Variants in ZNF26 observed in about 807,000 individuals in gnomAD.
ZNF26 encodes epididymis luminal protein 179.
A neutral mutation model predicts 54.9 loss-of-function variants in ZNF26; 32 were observed. The ratio of observed to expected loss-of-function variants is 0.58; its 90% CI spans 0.44 to 0.78. The LOEUF is 0.78. Ranked by LOEUF, ZNF26 falls within the 30% of genes least tolerant of loss-of-function variation. The pLI is 0.00. For synonymous variants in ZNF26, 221 were observed against 209.2 expected (o/e 1.06, Z -0.49); for missense variants, 524 against 634.0 (o/e 0.83, Z 1.86).
chr12:132,993,027 C>CTTTTTTTT (rs71079156), intron 1 of ZNF26, among the ~76,000 whole-genome samples: 11 of 129,428 alleles, frequency 8.5e-5, no homozygotes, highest in East Asian at 2.3e-4. Flanking sequence ...ACTAGTATTT[C>CTTTTTTTT]TTTTTTTTTT....
At position 133,012,877 on chromosome 12, in the gene ZNF26, C is replaced by T. The variant is rs1953513656; in HGVS notation, c.*1396C>T. On this transcript the variant is annotated 3_prime_UTR_variant, in exon 4 of 4. Coordinates refer to ENST00000328654, the MANE Select transcript of ZNF26 (RefSeq NM_019591.4). ...TACAGGTGTGAGCCACCGAGCCCGG[C>T]CAGCTTTCTATTTCTTATAACCTAA... 6.6e-6 allele frequency: 1 copy of T among 152,188 alleles called. No homozygotes were observed. Among genetic ancestry groups the T allele is most frequent in the South Asian group, 2.1e-4 (1 of 4,810 alleles). The allele number at this position is 152,188 out of a possible 1,614,324, so 9.4% of individuals were successfully genotyped here.
In ZNF26 at chr12:133,015,407, A is replaced by T. The variant is rs1294228647; in HGVS notation, c.*3926A>T. 6.6e-6 allele frequency: 1 copy of T among 151,832 alleles called. No individual in the cohort carries two copies. Among genetic ancestry groups the T allele is most frequent in the Non-Finnish European group, 1.5e-5 (1 of 67,994 alleles). The allele number at this position is 151,832 out of a possible 1,614,324, so 9.4% of individuals were successfully genotyped here. A position where few individuals can be genotyped will look rare whatever the true frequency, so the allele number is the denominator to read the frequency against. Reference sequence around the variant, plus strand: ...GACAAACACATGTTCTGTGTATATGACACAATCCTAACTGTGGCATGTATC... The same window carrying T: ...GACAAACACATGTTCTGTGTATATGTCACAATCCTAACTGTGGCATGTATC... On this transcript the variant is annotated 3_prime_UTR_variant, in exon 4 of 4. Transcript: ENST00000328654.
In ZNF26 at chr12:133,016,084, T is replaced by C. The variant is rs937760728; in HGVS notation, c.*4603T>C. The C allele has an allele frequency of 2.0e-5, 3 of 150,302 alleles. No individual in the cohort carries two copies. Among genetic ancestry groups the C allele is most frequent in the African/African-American group, 7.4e-5 (3 of 40,798 alleles). 9.3% of individuals were successfully genotyped at this position (150,302 alleles called of 1,614,324 possible). A position where few individuals can be genotyped will look rare whatever the true frequency, so the allele number is the denominator to read the frequency against. On this transcript the variant is annotated 3_prime_UTR_variant, in exon 4 of 4. Coordinates refer to ENST00000328654, the MANE Select transcript of ZNF26 (RefSeq NM_019591.4). The stretch of plus-strand genomic sequence containing the variant: ...TGTAGGGGTAATTTTTTTTTTTTTT[T>C]TTTTTTGAGACAGAGTCTCACTGTG...
chr12:132,991,506 A>T (rs1233314836), intron 1 of ZNF26, among the ~76,000 whole-genome samples: 1 of 147,604 alleles, frequency 6.8e-6, no homozygotes, highest in Non-Finnish European at 1.5e-5. Context: ...ACAACAACAA[A>T]ATAAAAATAG....
At position 132,993,998 on chromosome 12, in the gene ZNF26, A is replaced by T. The variant is rs777821572; in HGVS notation, c.33+7125A>T. Among the ~76,000 whole-genome samples the T allele has an allele frequency of 3.5e-3, 536 of 152,240 alleles. 2 individuals are homozygous for T. The highest frequency in any genetic ancestry group is 4.9e-3 in the Non-Finnish European group (336 of 68,002). ...CCCCACCCCATCTCTTAGATGGGAC[A>T]GGGTGGAATTTGGTATATCTCTCTT... On this transcript the variant is annotated intron_variant, in intron 1 of 3. Coordinates refer to ENST00000328654, the MANE Select transcript of ZNF26 (RefSeq NM_019591.4).
chr12:133,008,909 G>A (rs954309391), intron 3 of ZNF26, among the ~76,000 whole-genome samples: 20 of 152,062 alleles, frequency 1.3e-4, no homozygotes, highest in East Asian at 1.9e-4. Flanking sequence ...AGGTAGCTCC[G>A]GTCATAGTGG....
rs1031218385 is a variant in ZNF26 at position 133,023,067 on chromosome 12, T to C, written c.*11586T>C. The C allele has an allele frequency of 2.0e-5, 3 of 152,218 alleles. No individual in the cohort carries two copies. The highest frequency in any genetic ancestry group is 2.0e-4 in the Admixed American group (3 of 15,282). 9.4% of individuals were successfully genotyped at this position (152,218 alleles called of 1,614,324 possible). ...GTTTGGGTGAAAGATTCAAGAGCAT[T>C]CGTGAGAATGTACTTGTAACTAGTA... On this transcript the variant is annotated 3_prime_UTR_variant, in exon 4 of 4. Transcript: ENST00000328654.
Position 133,016,536 on chromosome 12 carries a change from A to G in ZNF26, c.*5055A>G, listed in dbSNP as rs1482898576. On this transcript the variant is annotated 3_prime_UTR_variant, in exon 4 of 4. Transcript: ENST00000328654. ...CTGGGTGCAGTGGCTTATGCCTATA[A>G]TCCCAACACTTTGGGAGGCAGGAGG... The G allele has an allele frequency of 6.6e-6, 1 of 151,238 alleles. No individual in the cohort carries two copies. Among genetic ancestry groups the G allele is most frequent in the Non-Finnish European group, 1.5e-5 (1 of 67,936 alleles). The allele number at this position is 151,238 out of a possible 1,614,324, so 9.4% of individuals were successfully genotyped here.
intron 1 of ZNF26, chr12:133,005,216 T>G (rs1825716311): frequency 6.6e-6 from 1 of 152,182 alleles, no homozygotes; most frequent in East Asian, 1.9e-4. Flanking sequence ...TTTATTTATT[T>G]TTTTGAGACG....
intron 1 of ZNF26, chr12:132,995,156 C>T (rs1046647488): frequency 6.6e-6 from 1 of 152,206 alleles, no homozygotes; most frequent in Non-Finnish European, 1.5e-5. Flanking sequence ...TGCTCTATAT[C>T]CCTTTTTATT....
chr12:132,994,829 A>G (rs1325244413), intron 1 of ZNF26, among the ~76,000 whole-genome samples: 1 of 152,166 alleles, frequency 6.6e-6, no homozygotes, highest in African/African-American at 2.4e-5. Flanking sequence ...CACTATTGAC[A>G]TTTTGGATGG....
At position 133,025,952 on chromosome 12, in the gene ZNF26, C is replaced by G. The variant is rs961104182; in HGVS notation, c.*14471C>G. 6.6e-6 allele frequency: 1 copy of G among 152,526 alleles called. No individual in the cohort carries two copies. The highest frequency in any genetic ancestry group is 1.5e-5 in the Non-Finnish European group (1 of 68,328). The allele number at this position is 152,526 out of a possible 1,614,324, so 9.4% of individuals were successfully genotyped here. On this transcript the variant is annotated 3_prime_UTR_variant, in exon 4 of 4. Transcript: ENST00000328654. Reference sequence around the variant, plus strand: ...CTGCCCTGCAGTAAGAAAGCCCAAACTAGCTCACACACAGACTACATCAAG... The same window carrying G: ...CTGCCCTGCAGTAAGAAAGCCCAAAGTAGCTCACACACAGACTACATCAAG...
chr12:132,993,646 G>A (rs1007319316), intron 1 of ZNF26, among the ~76,000 whole-genome samples: 1 of 151,424 alleles, frequency 6.6e-6, no homozygotes, highest in African/African-American at 2.4e-5. Context: ...AGTAGAGACG[G>A]GGTTTCACCA....
intron 1 of ZNF26, among the ~76,000 whole-genome samples, chr12:132,999,239 T>G (rs1286590269): frequency 3.3e-5 from 5 of 152,186 alleles, no homozygotes; most frequent in African/African-American, 9.6e-5. Flanking sequence ...TCTCAGCCGA[T>G]TCTCTTAGTT....
chr12:133,021,572 C>T lies in ZNF26; in HGVS notation c.*10091C>T, dbSNP rs1222998564. 3 of 151,670 alleles carry T rather than the reference C, an allele frequency of 2.0e-5. No homozygotes were observed. The highest frequency in any genetic ancestry group is 7.3e-5 in the African/African-American group (3 of 41,222). The allele number at this position is 151,670 out of a possible 1,614,324, so 9.4% of individuals were successfully genotyped here. On this transcript the variant is annotated 3_prime_UTR_variant, in exon 4 of 4. Coordinates refer to ENST00000328654, the MANE Select transcript of ZNF26 (RefSeq NM_019591.4). ...CCTGAGGTTGGGCGTTTGAGAACAA[C>T]CTGGCCAACATGGTGAAACCCCCGT...
At position 133,001,808 on chromosome 12, in the gene ZNF26, C is replaced by A; in HGVS notation, c.34-5234C>A. ...CTCCCCAGCTGCCTTTTGAGAGTCCCGCGGCAGTCTTTGCCTTCAGAATTT... is the reference window on the plus strand; with the variant it reads ...CTCCCCAGCTGCCTTTTGAGAGTCCAGCGGCAGTCTTTGCCTTCAGAATTT... On this transcript the variant is annotated intron_variant, in intron 1 of 3. Transcript: ENST00000328654. This position sits in a 1 kb window ranked among gnomAD's most constrained non-coding sequence, Gnocchi z 4.7. 1 of 784,838 alleles carries A rather than the reference C, an allele frequency of 1.3e-6. No homozygotes were observed. The highest frequency in any genetic ancestry group is 1.9e-6 in the Non-Finnish European group (1 of 538,262). The allele number at this position is 784,838 out of a possible 1,614,324, so 48.6% of individuals were successfully genotyped here. A position where few individuals can be genotyped will look rare whatever the true frequency, so the allele number is the denominator to read the frequency against.
rs1953481695 is a variant in ZNF26, at chr12:133,011,871, A to G, written c.*390A>G. ...AATCTTGGTATGAACAGTTGACTTC[A>G]TGGTGGAGTATAAAGTTGTTTTTTT... On this transcript the variant is annotated 3_prime_UTR_variant, in exon 4 of 4. Transcript: ENST00000328654. The G allele has an allele frequency of 6.4e-6, 1 of 156,058 alleles. No homozygotes were observed. Among genetic ancestry groups the G allele is most frequent in the African/African-American group, 2.4e-5 (1 of 41,508 alleles). The allele number at this position is 156,058 out of a possible 1,614,324, so 9.7% of individuals were successfully genotyped here.
At chr12:132,989,685 T>C (rs1952905311) in intron 1 of ZNF26, among the ~76,000 whole-genome samples, 1 of 152,146 alleles carries the variant, frequency 6.6e-6, no homozygotes, top group Non-Finnish European at 1.5e-5. Flanking sequence ...ACTCAAAACG[T>C]TTTGAATTTT....
chr12:133,008,753 G>C (rs1187387773), intron 3 of ZNF26, among the ~76,000 whole-genome samples: 1 of 137,176 alleles, frequency 7.3e-6, no homozygotes, highest in Non-Finnish European at 1.5e-5. Flanking sequence ...TCCAGCCTGG[G>C]CAACAGAGCG....
Sources: gnomAD v4.1 joint callset for allele counts (sites outside exome capture counted in the v4.1 genomes callset) on GRCh38, gnomAD v4.1.1 for gene constraint, Gnocchi (gnomAD v3.1) non-coding constraint, MANE v1.5 for transcripts, NCBI Gene and HGNC (gene_info 2026-07-23, HGNC 2026-07-21) for gene names.